KCNT2: variants seen among roughly 807,000 people sequenced by gnomAD.
KCNT2 encodes the protein potassium channel subfamily T member 2.
KCNT2 carries 67 observed loss-of-function variants against 153.8 expected under a neutral mutation model. The observed-to-expected ratio is 0.44, with a 90% confidence interval of 0.36 to 0.53. The LOEUF (loss-of-function observed/expected upper bound fraction) is 0.53. KCNT2 is among the 20% of genes least tolerant of loss of function. The pLI is 0.00. For synonymous variants in KCNT2, 500 were observed against 458.8 expected (o/e 1.09, Z -1.15); for missense variants, 975 against 1,354.8 (o/e 0.72, Z 4.40).
chr1:196,411,231 T>A (rs1309759122), intron 12 of KCNT2, among the ~76,000 whole-genome samples: 1 of 151,336 alleles, frequency 6.6e-6, no homozygotes, highest in Non-Finnish European at 1.5e-5. Flanking sequence ...CAGTTGACTA[T>A]ATGTGCATAG....
intron 1 of KCNT2, among the ~76,000 whole-genome samples, chr1:196,527,317 T>C (rs1654369399): frequency 6.6e-6 from 1 of 152,204 alleles, no homozygotes; most frequent in African/African-American, 2.4e-5. Flanking sequence ...TAAGCTTCAG[T>C]AACTTGTCTT....
chr1:196,262,150 T>C (rs987072974), intron 25 of KCNT2, among the ~76,000 whole-genome samples: 7 of 151,866 alleles, frequency 4.6e-5, no homozygotes, highest in African/African-American at 7.2e-5. Flanking sequence ...TTAAGGAAAG[T>C]AGAAAGTGTC....
chr1:196,377,111 T>C (rs1669034613), intron 13 of KCNT2, among the ~76,000 whole-genome samples: 1 of 151,972 alleles, frequency 6.6e-6, no homozygotes, highest in Non-Finnish European at 1.5e-5. Flanking sequence ...TGACGTTTAT[T>C]GGTAATGATA....
chr1:196,256,098 A>C (rs1656460500), intron 26 of KCNT2, among the ~76,000 whole-genome samples: 1 of 151,986 alleles, frequency 6.6e-6, no homozygotes, highest in African/African-American at 2.4e-5. Context: ...CAAGTATAAA[A>C]ATCTTGCCCT....
At chr1:196,242,888 A>G (rs1263296505) in intron 26 of KCNT2, among the ~76,000 whole-genome samples, 1 of 152,200 alleles carries the variant, frequency 6.6e-6, no homozygotes, top group Non-Finnish European at 1.5e-5. Flanking sequence ...TTTTAGGATC[A>G]CCATCACTGT....
At chr1:196,406,740 TG>T (rs1195523504) in intron 12 of KCNT2, among the ~76,000 whole-genome samples, 1 of 151,502 alleles carries the variant, frequency 6.6e-6, no homozygotes, top group Non-Finnish European at 1.5e-5. Context: ...AACATTACCT[TG>T]GGTTCTAGTT....
At chr1:196,495,881 G>C (rs902416560) in intron 1 of KCNT2, among the ~76,000 whole-genome samples, 2 of 151,988 alleles carry the variant, frequency 1.3e-5, no homozygotes, top group African/African-American at 4.8e-5. Flanking sequence ...CTATTTAATA[G>C]TTATTTTTAT....
chr1:196,399,619 G>A (rs1671243414), intron 12 of KCNT2, among the ~76,000 whole-genome samples: 1 of 151,712 alleles, frequency 6.6e-6, no homozygotes, highest in Non-Finnish European at 1.5e-5. Flanking sequence ...AGACACGAGG[G>A]ACTGTTTATC....
At chr1:196,254,981 T>C (rs1656332303) in intron 26 of KCNT2, among the ~76,000 whole-genome samples, 1 of 151,636 alleles carries the variant, frequency 6.6e-6, no homozygotes, top group South Asian at 2.1e-4. Context: ...GTATGAAATT[T>C]ATAACAATAC....
At chr1:196,588,347 T>C (rs533999373) in intron 1 of KCNT2, among the ~76,000 whole-genome samples, 23 of 152,026 alleles carry the variant, frequency 1.5e-4, no homozygotes, top group African/African-American at 5.1e-4. Context: ...ACAACAAATG[T>C]GATGATTTAC....
At position 196,336,087 on chromosome 1, in the gene KCNT2, T is replaced by C. The variant is rs191108901; in HGVS notation, c.1784-2027A>G. 1.1e-4 allele frequency among the ~76,000 whole-genome samples: 17 copies of C among 152,260 alleles called. No individual in the cohort carries two copies. In the East Asian group the frequency reaches 3.3e-3, roughly 29 times the overall value. ...CCATATCTATACCTATGCAACTGAA[T>C]ACACCCAGACAGTTTAGCTCTTGCA... On this transcript the variant is annotated intron_variant, in intron 16 of 27. Coordinates refer to ENST00000294725, the MANE Select transcript of KCNT2 (RefSeq NM_198503.5).
At chr1:196,312,296 A>G (rs1662261964) in intron 21 of KCNT2, among the ~76,000 whole-genome samples, 1 of 151,702 alleles carries the variant, frequency 6.6e-6, no homozygotes, top group South Asian at 2.1e-4. Flanking sequence ...GTGGAGATAC[A>G]CTATTCCTCC....
chr1:196,421,224 T>C (rs571133762), intron 12 of KCNT2, among the ~76,000 whole-genome samples: 1 of 152,142 alleles, frequency 6.6e-6, no homozygotes, highest in East Asian at 1.9e-4. Context: ...CTTACTCATT[T>C]CTTCCAATTT....
rs1026145686 is a variant in KCNT2 at position 196,373,964 on chromosome 1, T to G, written c.1295-716A>C. ...CTAGAAATGAGAGCACATGGGAAAG[T>G]GCAGGCCACATCTAAAGAGAATGAT... On this transcript the variant is annotated intron_variant, in intron 13 of 27. Transcript: ENST00000294725. Among the ~76,000 whole-genome samples, 8 of 151,906 alleles carry G rather than the reference T, an allele frequency of 5.3e-5. No homozygotes were observed. The South Asian group carries it at 1.7e-3, about 31-fold the overall frequency.
chr1:196,380,663 G>A (rs1278747283), intron 13 of KCNT2, among the ~76,000 whole-genome samples: 1 of 152,110 alleles, frequency 6.6e-6, no homozygotes, highest in African/African-American at 2.4e-5. Context: ...AAATCTAAAT[G>A]TTAGTCATTT....
chr1:196,467,167 C>A (rs1193488737), intron 7 of KCNT2, among the ~76,000 whole-genome samples: 2 of 152,004 alleles, frequency 1.3e-5, no homozygotes, highest in Non-Finnish European at 2.9e-5. Flanking sequence ...CATTATGCAT[C>A]AACAAACTGC....
chr1:196,362,423 G>A (rs1192801250), intron 14 of KCNT2, among the ~76,000 whole-genome samples: 4 of 152,082 alleles, frequency 2.6e-5, no homozygotes, highest in African/African-American at 7.2e-5. Flanking sequence ...AGACAAGGAA[G>A]ATCTCATGGC....
intron 13 of KCNT2, among the ~76,000 whole-genome samples, chr1:196,378,677 A>G (rs1669182210): frequency 6.7e-6 from 1 of 149,310 alleles, no homozygotes; most frequent in South Asian, 2.1e-4. Flanking sequence ...ATATTTATAT[A>G]GACAAACAAC....
intron 8 of KCNT2, among the ~76,000 whole-genome samples, chr1:196,449,679 C>G (rs1050713134): frequency 6.6e-6 from 1 of 151,224 alleles, no homozygotes; most frequent in Non-Finnish European, 1.5e-5. Context: ...ATAATTTAGA[C>G]AATGTACTAA....
Sources: gnomAD v4.1 joint callset for allele counts (sites outside exome capture counted in the v4.1 genomes callset) on GRCh38, gnomAD v4.1.1 for gene constraint, MANE v1.5 for transcripts, NCBI Gene and HGNC (gene_info 2026-07-23, HGNC 2026-07-21) for gene names.